KCNMB2: variants seen among roughly 807,000 people sequenced by gnomAD.
The protein encoded by KCNMB2 is potassium calcium-activated channel subfamily M regulatory beta subunit 2.
Under a neutral mutation model 24.5 loss-of-function variants are expected in KCNMB2, and 9 were observed. The ratio of observed to expected loss-of-function variants is 0.37; its 90% CI spans 0.22 to 0.64. The LOEUF (loss-of-function observed/expected upper bound fraction) is 0.64, where lower values mean the gene tolerates loss of function less well. KCNMB2 is among the 30% of genes least tolerant of loss of function. The pLI is 0.63. For missense variants in KCNMB2, 226 were observed against 284.3 expected, an observed-to-expected ratio of 0.79 and a Z score of 1.47; for synonymous variants, 109 against 104.4, an observed-to-expected ratio of 1.04 and a Z score of -0.27.
At chr3:178,567,917 C>T (rs912612353) in intron 1 of KCNMB2, among the ~76,000 whole-genome samples, 3 of 152,156 alleles carry the variant, frequency 2.0e-5, no homozygotes, top group Admixed American at 2.0e-4. Context: ...ATCTCTTCCT[C>T]ACAGTACACT....
intron 1 of KCNMB2, among the ~76,000 whole-genome samples, chr3:178,670,591 G>A (rs1720867822): frequency 6.6e-6 from 1 of 152,064 alleles, no homozygotes; most frequent in South Asian, 2.1e-4. Flanking sequence ...CACAACAGAA[G>A]GCCTCAATCC....
intron 1 of KCNMB2, among the ~76,000 whole-genome samples, chr3:178,677,076 T>C (rs540356001): frequency 2.0e-5 from 3 of 152,258 alleles, no homozygotes; most frequent in Admixed American, 6.5e-5. Context: ...TGACTCCACC[T>C]GCAATTGAAG....
At chr3:178,632,935 T>A (rs1044099266) in intron 1 of KCNMB2, among the ~76,000 whole-genome samples, 11 of 152,088 alleles carry the variant, frequency 7.2e-5, no homozygotes, top group African/African-American at 2.4e-4. Flanking sequence ...AAGAAATTGT[T>A]CAAAACAAAG....
At chr3:178,750,830 CTG>C (rs1281149022) in intron 1 of KCNMB2, among the ~76,000 whole-genome samples, 1 of 152,090 alleles carries the variant, frequency 6.6e-6, no homozygotes, top group Non-Finnish European at 1.5e-5. Context: ...TAATAATTCC[CTG>C]TGTTACTTCC....
At chr3:178,806,691 TAA>T (rs2108451638) in intron 1 of KCNMB2, among the ~76,000 whole-genome samples, 1 of 149,050 alleles carries the variant, frequency 6.7e-6, no homozygotes, top group Admixed American at 6.7e-5. Flanking sequence ...GTCATAATAA[TAA>T]TAATAATAAT....
At position 178,730,416 on chromosome 3, in the gene KCNMB2, C is replaced by CAT. The variant is rs1171792517; in HGVS notation, c.-67-76926_-67-76925insTA. Among the ~76,000 whole-genome samples, 7 of 142,908 alleles carry CAT rather than the reference C, an allele frequency of 4.9e-5. No individual in the cohort carries two copies. In the South Asian group the frequency reaches 9.2e-4, roughly 19 times the overall value. The allele number at this position is 142,908 out of a possible 152,430, so 93.8% of individuals were successfully genotyped here. ...TACTGTCCCCCAACACCCCCCCACA[C>CAT]ACACACACACACACAAACACATCCC... On this transcript the variant is annotated intron_variant, in intron 1 of 4. Transcript: ENST00000452583.
At chr3:178,722,242 T>A (rs1722830941) in intron 1 of KCNMB2, among the ~76,000 whole-genome samples, 1 of 152,196 alleles carries the variant, frequency 6.6e-6, no homozygotes, top group African/African-American at 2.4e-5. Flanking sequence ...GGTCCTTTTT[T>A]TACACACATA....
intron 1 of KCNMB2, among the ~76,000 whole-genome samples, chr3:178,624,811 A>T (rs1719052083): frequency 6.6e-6 from 1 of 151,758 alleles, no homozygotes; most frequent in Admixed American, 6.6e-5. Context: ...GTCCCGAGTG[A>T]CAGAGGTGTG....
chr3:178,828,537 ATATT>A (rs916444172), intron 4 of KCNMB2, among the ~76,000 whole-genome samples, 164 bp downstream of exon 4: 2 of 152,174 alleles, frequency 1.3e-5, no homozygotes, highest in African/African-American at 4.8e-5. Flanking sequence ...TGCCTAGAAA[ATATT>A]TATTTTCTGT....
chr3:178,646,906 T>C (rs1364569034), intron 1 of KCNMB2, among the ~76,000 whole-genome samples: 1 of 152,232 alleles, frequency 6.6e-6, no homozygotes, highest in Admixed American at 6.5e-5. Context: ...AGCCACATAA[T>C]TGATCTCTTG....
chr3:178,607,866 C>G (rs1362863900), intron 1 of KCNMB2, among the ~76,000 whole-genome samples: 1 of 152,056 alleles, frequency 6.6e-6, no homozygotes, highest in African/African-American at 2.4e-5. Context: ...AAGAACAGAT[C>G]AATTTTTATG....
rs59323141 is a variant in KCNMB2, at chr3:178,699,872, G to A, written c.-67-107471G>A. Among the ~76,000 whole-genome samples the A allele has an allele frequency of 9.6e-4, 147 of 152,344 alleles. 1 individual carries two copies. The East Asian group carries it at 0.028, about 29-fold the overall frequency. On this transcript the variant is annotated intron_variant, in intron 1 of 4. Coordinates refer to ENST00000452583, the MANE Select transcript of KCNMB2 (RefSeq NM_181361.3). ...TTGCTGCTACCTCAAGTGTCATGTG[G>A]TGGTCGAGGGTTCCCCTCCTGCCGG...
intron 1 of KCNMB2, among the ~76,000 whole-genome samples, chr3:178,608,475 G>A (rs1718358317): frequency 6.6e-6 from 1 of 152,018 alleles, no homozygotes; most frequent in African/African-American, 2.4e-5. Flanking sequence ...CATGAAATAA[G>A]CACAATAATA....
At chr3:178,761,260 A>G (rs920455284) in intron 1 of KCNMB2, among the ~76,000 whole-genome samples, 2 of 152,198 alleles carry the variant, frequency 1.3e-5, no homozygotes, top group African/African-American at 4.8e-5. Flanking sequence ...CAATGTTTCA[A>G]GGCAGTTTCC....
At chr3:178,720,395 G>A (rs1722760462) in intron 1 of KCNMB2, among the ~76,000 whole-genome samples, 4 of 135,450 alleles carry the variant, frequency 3.0e-5, no homozygotes, top group African/African-American at 3.0e-5. Context: ...GGACATTTGG[G>A]TTGGTTCCAA....
At chr3:178,758,345 GATAT>G (rs1214797017) in intron 1 of KCNMB2, among the ~76,000 whole-genome samples, 4 of 8,678 alleles carry the variant, frequency 4.6e-4, no homozygotes, top group East Asian at 2.2e-3. Flanking sequence ...TCCAAGAGGG[GATAT>G]ATATATATAT....
At chr3:178,704,381 A>G (rs1363643578) in intron 1 of KCNMB2, among the ~76,000 whole-genome samples, 1 of 152,136 alleles carries the variant, frequency 6.6e-6, no homozygotes, top group Non-Finnish European at 1.5e-5. Context: ...TTTCAAATTT[A>G]TCTAGACTTA....
chr3:178,840,903 C>T (rs182539316), intron 4 of KCNMB2, among the ~76,000 whole-genome samples: 1 of 152,348 alleles, frequency 6.6e-6, no homozygotes, highest in East Asian at 1.9e-4. Context: ...CCAATTTCTG[C>T]AGGAAGCTTG....
chr3:178,664,468 AT>A (rs1720646793), intron 1 of KCNMB2, among the ~76,000 whole-genome samples: 1 of 151,996 alleles, frequency 6.6e-6, no homozygotes, highest in South Asian at 2.1e-4. Context: ...TTGCTACACT[AT>A]TATATACTTT....
Sources: allele counts gnomAD v4.1 joint callset (sites outside exome capture counted in the v4.1 genomes callset), GRCh38; gene constraint gnomAD v4.1.1; transcripts MANE v1.5; gene names NCBI Gene and HGNC (gene_info 2026-07-23, HGNC 2026-07-21).